Variants in TMC1 observed in about 807,000 individuals in gnomAD.
TMC1 encodes transmembrane channel-like protein 1.
Under a neutral mutation model 105.8 loss-of-function variants are expected in TMC1, and 84 were observed. The ratio of observed to expected loss-of-function variants is 0.79; its 90% CI spans 0.67 to 0.95. The LOEUF is 0.95. Among genes scored for constraint, TMC1 ranks in the 40% least tolerant of loss-of-function variants. The pLI is 0.00. For missense variants in TMC1, 817 were observed against 914.1 expected, an observed-to-expected ratio of 0.89 and a Z score of 1.37; for synonymous variants, 315 against 311.5, an observed-to-expected ratio of 1.01 and a Z score of -0.12.
intron 5 of TMC1, among the ~76,000 whole-genome samples, chr9:72,659,145 G>GT (rs1161390015): frequency 6.6e-6 from 1 of 152,182 alleles, no homozygotes; most frequent in Non-Finnish European, 1.5e-5. Flanking sequence ...GCATGAGTAG[G>GT]TAGAGGAGAG....
rs141389139 is a variant in TMC1 at position 72,706,856 on chromosome 9, C to A, written c.362+6213C>A. Among the ~76,000 whole-genome samples, 1,093 of 151,516 alleles carry A rather than the reference C, an allele frequency of 7.2e-3. 17 individuals are homozygous for A. Among genetic ancestry groups the A allele is most frequent in the African/African-American group, 0.025 (1,014 of 41,304 alleles). On this transcript the variant is annotated intron_variant, in intron 8 of 23. Coordinates refer to ENST00000297784, the MANE Select transcript of TMC1 (RefSeq NM_138691.3). ...GTGGCGTGATCTCGGCTCACTGCAA[C>A]CTTTACCTGCCAGGTTCAAGCGATT...
chr9:72,804,878 A>G (rs1478917602), intron 17 of TMC1, among the ~76,000 whole-genome samples: 12 of 152,164 alleles, frequency 7.9e-5, no homozygotes, highest in African/African-American at 2.7e-4. Context: ...TTTCAATTTT[A>G]ACGGACCGTT....
In TMC1 at chr9:72,685,644, G is replaced by A. The variant is rs148046210; in HGVS notation, c.17-3065G>A. ...CTCCCAAAGTGCTGGGATTACAGGCGTGAGCCACTGCGCCTGGCCTATAAA... is the reference window on the plus strand; with the variant it reads ...CTCCCAAAGTGCTGGGATTACAGGCATGAGCCACTGCGCCTGGCCTATAAA... On this transcript the variant is annotated intron_variant, in intron 5 of 23. Coordinates refer to ENST00000297784, the MANE Select transcript of TMC1 (RefSeq NM_138691.3). Among the ~76,000 whole-genome samples the A allele has an allele frequency of 2.7e-3, 407 of 152,188 alleles. 1 individual carries two copies. The highest frequency in any genetic ancestry group is 9.1e-3 in the African/African-American group (378 of 41,506).
At chr9:72,524,835 T>A (rs533042141) in intron 1 of TMC1, among the ~76,000 whole-genome samples, 1 of 152,300 alleles carries the variant, frequency 6.6e-6, no homozygotes, top group African/African-American at 2.4e-5. Context: ...TGAGGCCACA[T>A]AGCCATTTAG....
At chr9:72,772,621 G>T in intron 13 of TMC1, 66 bp downstream of exon 13, 1 of 1,598,514 alleles carries the variant, frequency 6.3e-7, no homozygotes, top group Non-Finnish European at 8.6e-7. Flanking sequence ...GGATTAATTT[G>T]GGGATTGGAT....
chr9:72,559,802 T>C (rs6560288), intron 1 of TMC1, among the ~76,000 whole-genome samples: 80,446 of 151,968 alleles, frequency 0.53, 22,367 homozygotes, highest in African/African-American at 0.71. Context: ...ACAGAAATGA[T>C]GACAAAAAAA....
chr9:72,780,468 G>A (rs541288871), intron 13 of TMC1, among the ~76,000 whole-genome samples: 101 of 152,298 alleles, frequency 6.6e-4, no homozygotes, highest in African/African-American at 2.3e-3. Flanking sequence ...AGAATGGCAA[G>A]TTGGATCAAG....
intron 3 of TMC1, among the ~76,000 whole-genome samples, chr9:72,623,392 G>C (rs562154514): frequency 1.3e-5 from 2 of 152,048 alleles, no homozygotes; most frequent in South Asian, 2.1e-4. Context: ...CTGCCAAACA[G>C]TAATTCCTTT....
Position 72,822,983 on chromosome 9 carries a change from A to G in TMC1, c.2003+1902A>G, listed in dbSNP as rs532842695. 2.6e-4 allele frequency among the ~76,000 whole-genome samples: 40 copies of G among 152,330 alleles called. No homozygotes were observed. The South Asian group carries it at 8.1e-3, about 31-fold the overall frequency. ...ACTTAGGCAAAATTATGGCATGTAA[A>G]TCACTATTTTGAAATCAGGGAAATT... On this transcript the variant is annotated intron_variant, in intron 20 of 23. Coordinates refer to ENST00000297784, the MANE Select transcript of TMC1 (RefSeq NM_138691.3).
chr9:72,781,353 A>G (rs566259085), intron 13 of TMC1, among the ~76,000 whole-genome samples: 1 of 152,308 alleles, frequency 6.6e-6, no homozygotes, highest in East Asian at 1.9e-4. Flanking sequence ...AAACACCCAC[A>G]TCAAAAAGTT....
intron 2 of TMC1, among the ~76,000 whole-genome samples, chr9:72,614,332 A>G (rs920901): frequency 0.41 from 62,353 of 151,984 alleles, 13,314 homozygotes; most frequent in African/African-American, 0.52. Context: ...AACCAAAGCT[A>G]TTAAGTTTAA....
At position 72,553,295 on chromosome 9, in the gene TMC1, G is replaced by C. The variant is rs527682681; in HGVS notation, c.-427-24607G>C. 5.9e-5 allele frequency among the ~76,000 whole-genome samples: 9 copies of C among 152,250 alleles called. No homozygotes were observed. The East Asian group carries it at 1.7e-3, about 29-fold the overall frequency. The stretch of plus-strand genomic sequence containing the variant: ...GCTCCAATTCTGTATATTTTTAAAT[G>C]TAAGTATAAAGATCAAAGATACAAA... On this transcript the variant is annotated intron_variant, in intron 1 of 23. Coordinates refer to ENST00000297784, the MANE Select transcript of TMC1 (RefSeq NM_138691.3).
intron 1 of TMC1, among the ~76,000 whole-genome samples, chr9:72,564,515 A>G (rs1403259171): frequency 2.0e-5 from 3 of 152,232 alleles, no homozygotes; most frequent in Non-Finnish European, 4.4e-5. Flanking sequence ...TGAGAAAAAT[A>G]TACACACTAT....
At chr9:72,790,193 A>G (rs1374655240) in intron 15 of TMC1, among the ~76,000 whole-genome samples, 1 of 152,178 alleles carries the variant, frequency 6.6e-6, no homozygotes. Flanking sequence ...TAGACTTCCC[A>G]CACTGAAACT....
rs1005642380 is a variant in TMC1, at chr9:72,653,109, C to A, written c.16+4445C>A. ...CTCATAGAAATTCACTTTATTAATT[C>A]ATTCATTCATCTGATCACAGTTCAT... On this transcript the variant is annotated intron_variant, in intron 5 of 23. Coordinates refer to ENST00000297784, the MANE Select transcript of TMC1 (RefSeq NM_138691.3). Among the ~76,000 whole-genome samples, 80 of 152,218 alleles carry A rather than the reference C, an allele frequency of 5.3e-4. 1 individual carries two copies. Among genetic ancestry groups the A allele is most frequent in the African/African-American group, 1.1e-3 (46 of 41,538 alleles).
Position 72,830,549 on chromosome 9 carries a change from A to T in TMC1, c.2208+20A>T, listed in dbSNP as rs754557410. ...AAAATGGTATGATACAATTTATTTCATAGAAATATTATCTTTATTAATGTC... is the reference window on the plus strand; with the variant it reads ...AAAATGGTATGATACAATTTATTTCTTAGAAATATTATCTTTATTAATGTC... On this transcript the variant is annotated intron_variant, in intron 22 of 23. Transcript: ENST00000297784. 18 of 1,605,124 alleles carry T rather than the reference A, an allele frequency of 1.1e-5. No homozygotes were observed. Among genetic ancestry groups the T allele is most frequent in the Non-Finnish European group, 1.5e-5 (17 of 1,172,202 alleles).
At chr9:72,588,685 T>C (rs1383093078) in intron 2 of TMC1, among the ~76,000 whole-genome samples, 1 of 151,918 alleles carries the variant, frequency 6.6e-6, no homozygotes, top group Non-Finnish European at 1.5e-5. Context: ...GGAAGAAAAA[T>C]AGACCCTATG....
At chr9:72,552,437 C>T (rs1010576096) in intron 1 of TMC1, among the ~76,000 whole-genome samples, 7 of 152,082 alleles carry the variant, frequency 4.6e-5, no homozygotes, top group Admixed American at 1.3e-4. Context: ...AGTCTGGAGA[C>T]CGACTAACCT....
chr9:72,627,588 C>T (rs1032063495), intron 3 of TMC1, among the ~76,000 whole-genome samples: 1 of 152,090 alleles, frequency 6.6e-6, no homozygotes, highest in Non-Finnish European at 1.5e-5. Context: ...CAAGGATGGG[C>T]GCGGGTGGGA....
Sources: allele counts gnomAD v4.1 joint callset (sites outside exome capture counted in the v4.1 genomes callset), GRCh38; gene constraint gnomAD v4.1.1; transcripts MANE v1.5; gene names NCBI Gene and HGNC (gene_info 2026-07-23, HGNC 2026-07-21).